POU6F2: variants seen among roughly 807,000 people sequenced by gnomAD.
The protein encoded by POU6F2 is POU domain, class 6, transcription factor 2.
POU6F2 carries 31 observed loss-of-function variants against 71.3 expected under a neutral mutation model. The ratio of observed to expected loss-of-function variants is 0.43; its 90% CI spans 0.33 to 0.59. The LOEUF is 0.59. POU6F2 is among the 20% of genes least tolerant of loss of function. The pLI, the probability that POU6F2 is intolerant of heterozygous loss-of-function variation, is 0.04. For missense variants in POU6F2, 783 were observed against 856.8 expected, an observed-to-expected ratio of 0.91 and a Z score of 1.07; for synonymous variants, 347 against 355.7, an observed-to-expected ratio of 0.98 and a Z score of 0.27.
At chr7:39,303,427 G>C (rs570657925) in intron 4 of POU6F2, among the ~76,000 whole-genome samples, 17 of 152,222 alleles carry the variant, frequency 1.1e-4, no homozygotes, top group Admixed American at 3.9e-4. Flanking sequence ...GATTACAGGC[G>C]TGAGACACCA....
At chr7:39,243,399 C>T (rs1783761497) in intron 4 of POU6F2, among the ~76,000 whole-genome samples, 1 of 152,074 alleles carries the variant, frequency 6.6e-6, no homozygotes, top group Non-Finnish European at 1.5e-5. Context: ...GCCATTTCCT[C>T]AGTCAGCTGG....
chr7:39,019,495 G>C (rs1255821858), intron 1 of POU6F2, among the ~76,000 whole-genome samples: 1 of 151,944 alleles, frequency 6.6e-6, no homozygotes, highest in Non-Finnish European at 1.5e-5. Context: ...CCATTTGTAG[G>C]CTTGTTTAAG....
chr7:39,364,846 G>A (rs764297440), intron 5 of POU6F2, among the ~76,000 whole-genome samples: 1 of 152,176 alleles, frequency 6.6e-6, no homozygotes, highest in Non-Finnish European at 1.5e-5. Context: ...TCTCTACACT[G>A]TTTTCCATAG....
At chr7:39,021,180 G>A (rs1188955096) in intron 1 of POU6F2, among the ~76,000 whole-genome samples, 2 of 151,390 alleles carry the variant, frequency 1.3e-5, no homozygotes, top group Non-Finnish European at 3.0e-5. Flanking sequence ...TGTAATGTTT[G>A]GTATATGCTT....
At chr7:39,463,237 A>G (rs1264805004) in intron 9 of POU6F2, among the ~76,000 whole-genome samples, 1 of 152,254 alleles carries the variant, frequency 6.6e-6, no homozygotes, top group African/African-American at 2.4e-5. Flanking sequence ...AAAACACTCT[A>G]TATAATTTTG....
intron 4 of POU6F2, among the ~76,000 whole-genome samples, chr7:39,334,964 A>G (rs1785736677): frequency 6.6e-6 from 1 of 152,162 alleles, no homozygotes; most frequent in Non-Finnish European, 1.5e-5. Context: ...AGCTGGGGAA[A>G]TCTTAGATGC....
chr7:39,242,313 C>T (rs1014762366), intron 4 of POU6F2, among the ~76,000 whole-genome samples: 3 of 151,536 alleles, frequency 2.0e-5, no homozygotes, highest in South Asian at 4.2e-4. Flanking sequence ...GCAATCCCAC[C>T]GGCAGGGTAT....
chr7:39,321,384 A>ATCT, intron 4 of POU6F2, among the ~76,000 whole-genome samples: 1 of 152,170 alleles, frequency 6.6e-6, no homozygotes, highest in Admixed American at 6.5e-5. Context: ...TCATTTCAGA[A>ATCT]AGCAGAACAA....
At chr7:39,220,578 G>A (rs1794330144) in intron 4 of POU6F2, among the ~76,000 whole-genome samples, 1 of 152,136 alleles carries the variant, frequency 6.6e-6, no homozygotes, top group African/African-American at 2.4e-5. Context: ...GAGAGGATCA[G>A]TTAGGACAAA....
At chr7:39,192,087 C>G (rs1793681402) in intron 2 of POU6F2, among the ~76,000 whole-genome samples, 1 of 152,244 alleles carries the variant, frequency 6.6e-6, no homozygotes, top group African/African-American at 2.4e-5. Flanking sequence ...CGACATCTTT[C>G]TCTTCCTGAT....
intron 4 of POU6F2, among the ~76,000 whole-genome samples, chr7:39,247,192 A>C (rs1783836699): frequency 6.6e-6 from 1 of 152,100 alleles, no homozygotes; most frequent in South Asian, 2.1e-4. Context: ...ATGGAGGCCA[A>C]GCATGGTGTA....
At chr7:39,262,536 A>G (rs974565637) in intron 4 of POU6F2, among the ~76,000 whole-genome samples, 1 of 152,234 alleles carries the variant, frequency 6.6e-6, no homozygotes, top group African/African-American at 2.4e-5. Context: ...AACTGTGTAG[A>G]GCAATTTTGT....
intron 4 of POU6F2, among the ~76,000 whole-genome samples, chr7:39,288,009 T>C (rs1006231867): frequency 6.6e-6 from 1 of 152,126 alleles, no homozygotes; most frequent in East Asian, 1.9e-4. Context: ...CAAAGGCATG[T>C]AAAGGGTAAA....
intron 2 of POU6F2, among the ~76,000 whole-genome samples, chr7:39,200,390 A>G (rs1239499811): frequency 6.6e-6 from 1 of 152,208 alleles, no homozygotes; most frequent in Non-Finnish European, 1.5e-5. Flanking sequence ...CACTTCTATA[A>G]GCCATGGTAT....
intron 2 of POU6F2, among the ~76,000 whole-genome samples, chr7:39,102,246 A>G (rs976971387): frequency 2.6e-5 from 4 of 152,208 alleles, no homozygotes; most frequent in African/African-American, 4.8e-5. Flanking sequence ...GTGTGTCCCC[A>G]GTTGCTCTTC....
intron 4 of POU6F2, among the ~76,000 whole-genome samples, chr7:39,278,137 G>A (rs1399992763): frequency 2.0e-5 from 3 of 150,038 alleles, no homozygotes; most frequent in Non-Finnish European, 3.0e-5. Flanking sequence ...GGAATCAAAT[G>A]GTGGGGGACG....
intron 8 of POU6F2, among the ~76,000 whole-genome samples, chr7:39,454,800 T>G (rs528101323): frequency 6.9e-5 from 10 of 145,270 alleles, no homozygotes; most frequent in African/African-American, 2.3e-4. Flanking sequence ...GGCCAATGAC[T>G]CCTCCACGTC....
intron 4 of POU6F2, among the ~76,000 whole-genome samples, chr7:39,231,964 A>G (rs1377047872): frequency 3.9e-5 from 6 of 152,222 alleles, no homozygotes; most frequent in African/African-American, 1.4e-4. Context: ...TGATGACTAC[A>G]TTGTGTTACG....
At chr7:39,095,924 T>C (rs1175182821) in intron 2 of POU6F2, among the ~76,000 whole-genome samples, 1 of 152,204 alleles carries the variant, frequency 6.6e-6, no homozygotes, top group Non-Finnish European at 1.5e-5. Context: ...TTCTGAATAT[T>C]GCAATGTGTG....
Sources: gnomAD v4.1 joint callset for allele counts (sites outside exome capture counted in the v4.1 genomes callset) on GRCh38, gnomAD v4.1.1 for gene constraint, MANE v1.5 for transcripts, NCBI Gene and HGNC (gene_info 2026-07-23, HGNC 2026-07-21) for gene names.